Variants in GLIS3 observed in about 807,000 individuals in gnomAD.
The protein encoded by GLIS3 is zinc finger protein GLIS3.
GLIS3 carries 53 observed loss-of-function variants against 78.6 expected under a neutral mutation model. That is an observed-to-expected ratio of 0.67 (90% CI 0.54 to 0.85). The LOEUF is 0.85. Ranked by LOEUF, GLIS3 falls within the 40% of genes least tolerant of loss-of-function variation. The probability of loss-of-function intolerance (pLI) is 0.00; values close to 1 mark genes in which losing one functional copy is unlikely to be tolerated. For missense variants in GLIS3, 1,703 were observed against 1,231.1 expected (o/e 1.38, Z -5.74); for synonymous variants, 684 against 509.9 (o/e 1.34, Z -4.60).
At chr9:4,136,965 TGGGACCTTGTGCTATA>T (rs1296955571) in intron 2 of GLIS3, among the ~76,000 whole-genome samples, 5 of 152,182 alleles carry the variant, frequency 3.3e-5, no homozygotes, top group Admixed American at 3.3e-4. Context: ...GATGTGCATC[TGGGACCTTGTGCTATA>T]GGTAGTGGCG....
At chr9:4,460,674 C>T in the GLIS3 span, among the ~76,000 whole-genome samples, 1 of 151,138 alleles carries the variant, frequency 6.6e-6, no homozygotes, top group Non-Finnish European at 1.5e-5. Context: ...ATGTAAGGCT[C>T]CAAAGAAAAA....
In GLIS3 at chr9:3,958,645, T is replaced by C. The variant is rs561322373; in HGVS notation, c.1711-21456A>G. Among the ~76,000 whole-genome samples the C allele has an allele frequency of 8.5e-5, 13 of 152,340 alleles. No individual in the cohort carries two copies. The South Asian group carries it at 1.0e-3, about 12-fold the overall frequency. ...GTAGGATCTCAGCACACCAAGATGA[T>C]TGGGATAGAGTCCTCGCTCTCAGGA... On this transcript the variant is annotated intron_variant, in intron 4 of 10. Transcript: ENST00000381971.
At chr9:4,049,942 A>G (rs7033677) in intron 4 of GLIS3, among the ~76,000 whole-genome samples, 94,760 of 151,430 alleles carry the variant, frequency 0.63, 29,772 homozygotes, top group South Asian at 0.78. Flanking sequence ...AAAAAGTCAG[A>G]AAACAACAGG....
chr9:4,441,798 G>C, the GLIS3 span, among the ~76,000 whole-genome samples: 2 of 152,046 alleles, frequency 1.3e-5, no homozygotes, highest in Non-Finnish European at 2.9e-5. Flanking sequence ...GTAGAGACGA[G>C]GTTTTGCCAT....
At chr9:4,450,197 G>A in the GLIS3 span, among the ~76,000 whole-genome samples, 599 of 152,220 alleles carry the variant, frequency 3.9e-3, 3 homozygotes, top group African/African-American at 0.013. Context: ...ACTATGTGAT[G>A]CATACACAAA....
chr9:4,008,696 T>C (rs1821751790), intron 4 of GLIS3, among the ~76,000 whole-genome samples: 1 of 152,092 alleles, frequency 6.6e-6, no homozygotes, highest in Non-Finnish European at 1.5e-5. Context: ...GTGAATTCTG[T>C]GACATAAAAA....
chr9:4,476,880 T>A, the GLIS3 span, among the ~76,000 whole-genome samples: 1 of 152,208 alleles, frequency 6.6e-6, no homozygotes, highest in South Asian at 2.1e-4. Context: ...TAGCTGTTTT[T>A]AGACAGAATT....
intron 2 of GLIS3, among the ~76,000 whole-genome samples, chr9:4,157,958 A>G (rs182664769): frequency 6.6e-6 from 1 of 152,236 alleles, no homozygotes; most frequent in African/African-American, 2.4e-5. Context: ...TCTTCAACTG[A>G]TAATCTTGTT....
intron 2 of GLIS3, among the ~76,000 whole-genome samples, chr9:4,251,244 T>A (rs1420603684): frequency 6.6e-6 from 1 of 152,174 alleles, no homozygotes; most frequent in East Asian, 1.9e-4. Context: ...GGACTCTACG[T>A]CTCTTTGTAG....
At chr9:3,918,206 A>C (rs1342430563) in intron 6 of GLIS3, among the ~76,000 whole-genome samples, 1 of 152,134 alleles carries the variant, frequency 6.6e-6, no homozygotes, top group East Asian at 1.9e-4. Context: ...TATCCTGAAT[A>C]TTTAGGGTCA....
chr9:3,877,928 T>C (rs1311137379), intron 8 of GLIS3, among the ~76,000 whole-genome samples: 4 of 152,186 alleles, frequency 2.6e-5, no homozygotes, highest in Non-Finnish European at 5.9e-5. Flanking sequence ...ATAATGGTTC[T>C]TCACTCCTAG....
chr9:4,023,433 A>C (rs1823049609), intron 4 of GLIS3, among the ~76,000 whole-genome samples: 1 of 152,212 alleles, frequency 6.6e-6, no homozygotes, highest in South Asian at 2.1e-4. Flanking sequence ...TCAGACCCCA[A>C]AAAAGTGTCA....
At chr9:4,008,638 C>A (rs1031342884) in intron 4 of GLIS3, among the ~76,000 whole-genome samples, 1 of 152,170 alleles carries the variant, frequency 6.6e-6, no homozygotes, top group African/African-American at 2.4e-5. Flanking sequence ...ATCTCCCCAC[C>A]TAGACTGTGA....
chr9:4,425,700 G>T, the GLIS3 span, among the ~76,000 whole-genome samples: 30 of 152,304 alleles, frequency 2.0e-4, no homozygotes, highest in African/African-American at 7.2e-4. Flanking sequence ...TCCAGTTCCT[G>T]CTGACACCTC....
At position 4,260,654 on chromosome 9, in the gene GLIS3, A is replaced by G. The variant is rs1022316307; in HGVS notation, c.388+25384T>C. 7.2e-5 allele frequency among the ~76,000 whole-genome samples: 11 copies of G among 151,990 alleles called. No individual in the cohort carries two copies. In the East Asian group the frequency reaches 2.1e-3, roughly 29 times the overall value. On this transcript the variant is annotated intron_variant, in intron 2 of 10. Transcript: ENST00000381971. ...CCAGCTACTCAGGAGGCTGAGGCAC[A>G]AGAATCTGTTGAACCCGGGAGGCGG...
At chr9:4,480,200 C>CTTTTTTTTTT in the GLIS3 span, among the ~76,000 whole-genome samples, 1 of 93,882 alleles carries the variant, frequency 1.1e-5, no homozygotes, top group African/African-American at 4.6e-5. Context: ...GCTGGGCTTT[C>CTTTTTTTTTT]TTTTTTTTTT....
At chr9:3,852,454 C>T (rs547506351) in intron 9 of GLIS3, among the ~76,000 whole-genome samples, 2 of 152,232 alleles carry the variant, frequency 1.3e-5, no homozygotes, top group South Asian at 2.1e-4. Context: ...TATTAGGTGA[C>T]GGTGTTCCCT....
At chr9:4,059,759 C>T (rs1424012928) in intron 4 of GLIS3, among the ~76,000 whole-genome samples, 1 of 148,748 alleles carries the variant, frequency 6.7e-6, no homozygotes, top group Non-Finnish European at 1.5e-5. Flanking sequence ...AAGCAGGCCT[C>T]AGCTTGTTCT....
chr9:4,237,023 G>T (rs1822823774), intron 2 of GLIS3, among the ~76,000 whole-genome samples: 2 of 151,992 alleles, frequency 1.3e-5, no homozygotes, highest in African/African-American at 4.8e-5. Context: ...GGCACATGTG[G>T]CCACTCTTAC....
Sources: allele counts gnomAD v4.1 joint callset (sites outside exome capture counted in the v4.1 genomes callset), GRCh38; gene constraint gnomAD v4.1.1; transcripts MANE v1.5; gene names NCBI Gene and HGNC (gene_info 2026-07-23, HGNC 2026-07-21).